Variants in INPP4B observed in about 807,000 individuals in gnomAD.
INPP4B encodes inositol polyphosphate 4-phosphatase type II.
A neutral mutation model predicts 122.5 loss-of-function variants in INPP4B; 55 were observed. That is an observed-to-expected ratio of 0.45 (90% CI 0.36 to 0.56). INPP4B has a LOEUF of 0.56. Among genes scored for constraint, INPP4B ranks in the 20% least tolerant of loss-of-function variants. The pLI, the probability that INPP4B is intolerant of heterozygous loss-of-function variation, is 0.00. For synonymous variants in INPP4B, 403 were observed against 388.7 expected (o/e 1.04, Z -0.43); for missense variants, 1,000 against 1,097.7 (o/e 0.91, Z 1.26).
chr4:142,632,904 G>A (rs1405888854), intron 2 of INPP4B, among the ~76,000 whole-genome samples: 1 of 114,112 alleles, frequency 8.8e-6, no homozygotes. Flanking sequence ...GATCACAGAA[G>A]GATGGTAGAT....
chr4:142,304,811 A>G (rs1486131380), intron 9 of INPP4B, among the ~76,000 whole-genome samples: 1 of 152,168 alleles, frequency 6.6e-6, no homozygotes, highest in African/African-American at 2.4e-5. Flanking sequence ...ATTGTTTCAA[A>G]ATTTATGTTT....
chr4:142,197,437 T>C (rs1477568480), intron 14 of INPP4B, among the ~76,000 whole-genome samples: 1 of 152,184 alleles, frequency 6.6e-6, no homozygotes, highest in Non-Finnish European at 1.5e-5. Context: ...AGAATAATAA[T>C]TTTTATCTAT....
intron 2 of INPP4B, among the ~76,000 whole-genome samples, chr4:142,589,665 T>A (rs371015148): frequency 2.0e-5 from 3 of 152,158 alleles, no homozygotes; most frequent in Non-Finnish European, 2.9e-5. Context: ...TAGTTTACAC[T>A]CACTGTTGGT....
intron 23 of INPP4B, among the ~76,000 whole-genome samples, chr4:142,094,204 G>A (rs1471745689): frequency 6.6e-6 from 1 of 152,142 alleles, no homozygotes; most frequent in Non-Finnish European, 1.5e-5. Flanking sequence ...ACAGACGATA[G>A]AGCAGAGTGG....
intron 2 of INPP4B, among the ~76,000 whole-genome samples, chr4:142,551,011 G>A (rs572986745): frequency 6.6e-6 from 1 of 152,200 alleles, no homozygotes; most frequent in South Asian, 2.1e-4. Context: ...AATAGGAAGC[G>A]ATAACACAAA....
At chr4:142,451,246 G>GTTTTTTTTTTTTTTTTTT (rs758479962) in intron 3 of INPP4B, among the ~76,000 whole-genome samples, 2 of 97,732 alleles carry the variant, frequency 2.0e-5, no homozygotes, top group East Asian at 3.0e-4. Context: ...TGTTGCTGTT[G>GTTTTTTTTTTTTTTTTTT]TTTTTTTTTT....
At chr4:142,641,657 T>G (rs930817210) in intron 2 of INPP4B, among the ~76,000 whole-genome samples, 1 of 152,226 alleles carries the variant, frequency 6.6e-6, no homozygotes, top group Non-Finnish European at 1.5e-5. Context: ...ATTTTCTTAA[T>G]CCAGTCTATC....
At chr4:142,467,546 G>A (rs981619500) in intron 2 of INPP4B, among the ~76,000 whole-genome samples, 31 of 149,744 alleles carry the variant, frequency 2.1e-4, no homozygotes, top group African/African-American at 7.4e-4. Flanking sequence ...TTTGTTTTTT[G>A]TTTTTTGTTT....
chr4:142,551,904 T>C (rs1728070887), intron 2 of INPP4B, among the ~76,000 whole-genome samples: 2 of 152,216 alleles, frequency 1.3e-5, no homozygotes, highest in South Asian at 4.1e-4. Context: ...ACACTAAGGC[T>C]ATATTTTAGT....
chr4:142,107,452 C>T (rs1213327034), intron 23 of INPP4B, among the ~76,000 whole-genome samples: 1 of 152,096 alleles, frequency 6.6e-6, no homozygotes, highest in African/African-American at 2.4e-5. Context: ...CAAATACATT[C>T]CCAGCTCTCT....
chr4:142,151,658 T>C (rs1209942323), intron 17 of INPP4B, among the ~76,000 whole-genome samples: 2 of 152,172 alleles, frequency 1.3e-5, no homozygotes, highest in African/African-American at 4.8e-5. Context: ...CCTCTTTTGA[T>C]TATTTCTAAT....
intron 5 of INPP4B, among the ~76,000 whole-genome samples, chr4:142,421,988 A>C (rs1344183864): frequency 6.6e-6 from 1 of 152,090 alleles, no homozygotes; most frequent in African/African-American, 2.4e-5. Context: ...GAGCCTCCAA[A>C]TCAGACAAAA....
chr4:142,235,082 A>G (rs1318771632), intron 12 of INPP4B, among the ~76,000 whole-genome samples: 2 of 152,192 alleles, frequency 1.3e-5, no homozygotes, highest in Non-Finnish European at 2.9e-5. Context: ...GAATGGAGAC[A>G]GAGGAGTATT....
At chr4:142,030,005 T>TAAAC (rs1738785787) in intron 25 of INPP4B, 3 of 1,380,722 alleles carry the variant, frequency 2.2e-6, no homozygotes, top group African/African-American at 2.9e-5. Context: ...AAAAACAAAC[T>TAAAC]AAACACAATT....
Position 142,112,276 on chromosome 4 carries a change from AAAG to A in INPP4B, c.2276+263_2276+265del, listed in dbSNP as rs565720951. Among the ~76,000 whole-genome samples, 15 of 152,360 alleles carry A rather than the reference AAAG, an allele frequency of 9.8e-5. 1 individual carries two copies. In the South Asian group the frequency reaches 2.9e-3, roughly 29 times the overall value. On this transcript the variant is annotated intron_variant, in intron 22 of 25. Transcript: ENST00000262992. Reference sequence around the variant, plus strand: ...AATATACACATAGGTATTTGGAAACAAAGAAGGTTAATCCATGCAAATGCTTTA... The same window carrying A: ...AATATACACATAGGTATTTGGAAACAAAGGTTAATCCATGCAAATGCTTTA...
At chr4:142,254,700 T>G (rs1216290616) in intron 11 of INPP4B, among the ~76,000 whole-genome samples, 1 of 152,116 alleles carries the variant, frequency 6.6e-6, no homozygotes, top group African/African-American at 2.4e-5. Flanking sequence ...AATATGGGAC[T>G]ATGTGAAAAG....
At chr4:142,212,158 G>A (rs144481659) in intron 12 of INPP4B, among the ~76,000 whole-genome samples, 117 of 152,104 alleles carry the variant, frequency 7.7e-4, no homozygotes, top group African/African-American at 2.6e-3. Flanking sequence ...TTGATAACCC[G>A]ATAGCATACA....
chr4:142,404,649 A>G (rs999924280), intron 6 of INPP4B, among the ~76,000 whole-genome samples: 6 of 152,194 alleles, frequency 3.9e-5, no homozygotes, highest in African/African-American at 1.4e-4. Context: ...ATAGTTTGTC[A>G]AATTAATCAT....
intron 2 of INPP4B, among the ~76,000 whole-genome samples, chr4:142,607,598 T>G (rs1350443451): frequency 6.6e-6 from 1 of 152,066 alleles, no homozygotes. Flanking sequence ...TATAACACTA[T>G]TTTTTCCAGA....
Sources: allele counts gnomAD v4.1 joint callset (sites outside exome capture counted in the v4.1 genomes callset), GRCh38; gene constraint gnomAD v4.1.1; transcripts MANE v1.5; gene names NCBI Gene and HGNC (gene_info 2026-07-23, HGNC 2026-07-21).